Variants in DOCK4 observed in about 807,000 individuals in gnomAD.
DOCK4 encodes dedicator of cytokinesis 4.
Under a neutral mutation model 268.1 loss-of-function variants are expected in DOCK4, and 97 were observed. The observed-to-expected ratio is 0.36, with a 90% CI of 0.31 to 0.43. The LOEUF is 0.43. DOCK4 is among the 20% of genes least tolerant of loss of function. The pLI is 1.00. For synonymous variants in DOCK4, 954 were observed against 887.2 expected, an observed-to-expected ratio of 1.08 and a Z score of -1.34; for missense variants, 2,145 against 2,455.7, an observed-to-expected ratio of 0.87 and a Z score of 2.67.
intron 1 of DOCK4, among the ~76,000 whole-genome samples, chr7:112,171,424 A>G (rs1818071958): frequency 6.8e-6 from 1 of 146,792 alleles, no homozygotes; most frequent in Non-Finnish European, 1.5e-5. Context: ...TTCTTTTTTT[A>G]TATTTAACTT....
intron 27 of DOCK4, among the ~76,000 whole-genome samples, chr7:111,818,281 C>T (rs1407198107): frequency 6.6e-6 from 1 of 152,214 alleles, no homozygotes; most frequent in Non-Finnish European, 1.5e-5. Flanking sequence ...CCAGCCCCAA[C>T]ATCATCCCTG....
chr7:111,976,206 A>ATGTG lies in DOCK4; in HGVS notation c.701+922_701+925dup, dbSNP rs1157470069. Among the ~76,000 whole-genome samples, 288 of 71,746 alleles carry ATGTG rather than the reference A, an allele frequency of 4.0e-3. 26 individuals are homozygous for ATGTG. The highest frequency in any genetic ancestry group is 0.019 in the African/African-American group (247 of 13,196). 47.1% of individuals were successfully genotyped at this position (71,746 alleles called of 152,430 possible). On this transcript the variant is annotated intron_variant, in intron 8 of 52. Coordinates refer to ENST00000428084, the MANE Select transcript of DOCK4 (RefSeq NM_001363540.2). ...CACACACACACGCACACACGCACAT[A>ATGTG]TGTGTGTGTGTGTGTGCGTGTGTGT...
intron 1 of DOCK4, among the ~76,000 whole-genome samples, chr7:112,090,344 G>C (rs1406188263): frequency 3.3e-5 from 5 of 152,098 alleles, no homozygotes; most frequent in Non-Finnish European, 7.4e-5. Flanking sequence ...GTACAATATA[G>C]AGTTATGGAT....
chr7:111,837,826 C>T (rs1236387583), intron 25 of DOCK4, among the ~76,000 whole-genome samples: 8 of 152,034 alleles, frequency 5.3e-5, no homozygotes, highest in Non-Finnish European at 8.8e-5. Context: ...GTGGCTCATG[C>T]CTATAATCCC....
At position 111,992,770 on chromosome 7, in the gene DOCK4, CATT is replaced by C. The variant is rs528126602; in HGVS notation, c.315+1362_315+1364del. On this transcript the variant is annotated intron_variant, in intron 5 of 52. Transcript: ENST00000428084. ...AGCTAATGGACAACACTCACACTGT[CATT>C]ATTTTTATAACTCTTATATCGGGTA... Among the ~76,000 whole-genome samples the C allele has an allele frequency of 1.5e-4, 23 of 152,280 alleles. No individual in the cohort carries two copies. The South Asian group carries it at 4.1e-3, about 27-fold the overall frequency.
At chr7:111,947,898 A>G (rs1586464916) in intron 8 of DOCK4, among the ~76,000 whole-genome samples, 1 of 151,604 alleles carries the variant, frequency 6.6e-6, no homozygotes, top group African/African-American at 2.4e-5. Context: ...TAATTTTTGT[A>G]ATTTTTTTTA....
At chr7:111,940,310 C>T (rs1434373732) in intron 10 of DOCK4, 68 bp from the exon 11 acceptor site, 13 of 1,600,134 alleles carry the variant, frequency 8.1e-6, no homozygotes, top group Non-Finnish European at 1.7e-6. Flanking sequence ...GGTAGCGAAA[C>T]ATACAGCTAT....
chr7:111,848,448 T>C (rs1804284687), intron 23 of DOCK4, among the ~76,000 whole-genome samples: 1 of 152,224 alleles, frequency 6.6e-6, no homozygotes, highest in African/African-American at 2.4e-5. Flanking sequence ...ATTTTCATTA[T>C]GCAGCCATTC....
intron 23 of DOCK4, among the ~76,000 whole-genome samples, chr7:111,859,972 T>C (rs1315210361): frequency 6.6e-6 from 1 of 152,184 alleles, no homozygotes; most frequent in Non-Finnish European, 1.5e-5. Flanking sequence ...TCTTTAGTTA[T>C]ACAGTTTTAT....
intron 7 of DOCK4, among the ~76,000 whole-genome samples, chr7:111,980,952 C>G (rs56346022): frequency 0.12 from 18,439 of 152,222 alleles, 1,183 homozygotes; most frequent in Middle Eastern, 0.16. Flanking sequence ...GGCACTAAAC[C>G]AAAATATCTA....
intron 42 of DOCK4, among the ~76,000 whole-genome samples, chr7:111,751,101 T>TCA (rs1006389738): frequency 2.7e-4 from 41 of 151,882 alleles, no homozygotes; most frequent in Admixed American, 2.2e-3. Flanking sequence ...GCTGCCAACA[T>TCA]CACACACACA....
intron 12 of DOCK4, among the ~76,000 whole-genome samples, chr7:111,934,780 C>A (rs1586424551): frequency 6.6e-6 from 1 of 150,762 alleles, no homozygotes; most frequent in Non-Finnish European, 1.5e-5. Context: ...ACCTCGTGAT[C>A]CGCCCGCCTC....
intron 1 of DOCK4, among the ~76,000 whole-genome samples, chr7:112,187,666 G>T (rs768972495): frequency 6.6e-6 from 1 of 152,156 alleles, no homozygotes; most frequent in Non-Finnish European, 1.5e-5. Context: ...GTCATGCCAT[G>T]ATGACATTCT....
chr7:112,159,840 A>G (rs1002746986), intron 1 of DOCK4, among the ~76,000 whole-genome samples: 1 of 144,762 alleles, frequency 6.9e-6, no homozygotes, highest in East Asian at 1.9e-4. Flanking sequence ...GTATATATAT[A>G]CATAATATAT....
At chr7:112,054,756 C>CA (rs1459024937) in intron 1 of DOCK4, among the ~76,000 whole-genome samples, 1 of 151,750 alleles carries the variant, frequency 6.6e-6, no homozygotes, top group Non-Finnish European at 1.5e-5. Context: ...AGTTTTATTC[C>CA]AAAAATCTTA....
intron 30 of DOCK4, among the ~76,000 whole-genome samples, chr7:111,806,868 ATCTC>A (rs1800713375): frequency 6.6e-6 from 1 of 152,202 alleles, no homozygotes; most frequent in Non-Finnish European, 1.5e-5. Flanking sequence ...TATTCTCTAG[ATCTC>A]TGAGAAAAAC....
chr7:112,198,928 C>T (rs557919491), intron 1 of DOCK4, among the ~76,000 whole-genome samples: 132 of 152,160 alleles, frequency 8.7e-4, no homozygotes, highest in Non-Finnish European at 1.5e-3. Flanking sequence ...ACTGATTTAA[C>T]GACTACATGG....
intron 1 of DOCK4, among the ~76,000 whole-genome samples, chr7:112,037,430 C>G (rs966497371): frequency 6.6e-6 from 1 of 152,172 alleles, no homozygotes; most frequent in African/African-American, 2.4e-5. Context: ...CAGAAACTTC[C>G]TTTTTGCACC....
At chr7:111,762,757 G>GTTT (rs1797499588) in intron 39 of DOCK4, among the ~76,000 whole-genome samples, 28 of 54,976 alleles carry the variant, frequency 5.1e-4, no homozygotes, top group East Asian at 8.3e-4. Context: ...ATTTTGTTTT[G>GTTT]TTTTCTTTTT....
Sources: allele counts gnomAD v4.1 joint callset (sites outside exome capture counted in the v4.1 genomes callset), GRCh38; gene constraint gnomAD v4.1.1; transcripts MANE v1.5; gene names NCBI Gene and HGNC (gene_info 2026-07-23, HGNC 2026-07-21).